Variants in SETX observed in about 807,000 individuals in gnomAD.
SETX encodes helicase senataxin.
A neutral mutation model predicts 227.2 loss-of-function variants in SETX; 90 were observed. The observed-to-expected ratio is 0.40, with a 90% CI of 0.33 to 0.47. SETX has a LOEUF of 0.47. Ranked by LOEUF, SETX falls within the 20% of genes least tolerant of loss-of-function variation. SETX has a pLI of 0.91. For synonymous variants in SETX, 1,210 were observed against 1,113.2 expected, an observed-to-expected ratio of 1.09 and a Z score of -1.73; for missense variants, 3,052 against 3,181.5, an observed-to-expected ratio of 0.96 and a Z score of 0.98.
Position 132,264,679 on chromosome 9 carries a change from CAGG to C in SETX, c.7591_7593del (p.Pro2531del), listed in dbSNP as rs776310824. 1.9e-6 allele frequency: 3 copies of C among 1,614,214 alleles called. No individual in the cohort carries two copies. In the Admixed American group the frequency reaches 5.0e-5, roughly 27 times the overall value. ...CGTGGGTCCTGAAGTTGGTCATGAA[CAGG>C]AGGTCTTTCAGGGTCCTTTGAAGTA... is the stretch of plus-strand genomic sequence containing the variant. On this transcript the variant is annotated inframe_deletion, in exon 26 of 26. Transcript: ENST00000224140.
chr9:132,289,786 C>A (rs1055513633), intron 15 of SETX, among the ~76,000 whole-genome samples: 1 of 152,188 alleles, frequency 6.6e-6, no homozygotes, highest in Non-Finnish European at 1.5e-5. Context: ...ACTATAAAAA[C>A]CAATTTAACC....
chr9:132,294,135 C>T (rs549764500), intron 15 of SETX, among the ~76,000 whole-genome samples: 135 of 152,160 alleles, frequency 8.9e-4, no homozygotes, highest in Non-Finnish European at 1.7e-3. Flanking sequence ...CTTAAGCTCA[C>T]GCCACCAGGG....
chr9:132,293,611 A>T (rs955491321), intron 15 of SETX, among the ~76,000 whole-genome samples: 7 of 152,046 alleles, frequency 4.6e-5, no homozygotes, highest in Admixed American at 3.3e-4. Flanking sequence ...GTAGGGACAG[A>T]GTTTCACCAT....
At chr9:132,280,559 T>C (rs926512427) in intron 20 of SETX, among the ~76,000 whole-genome samples, 5 of 152,158 alleles carry the variant, frequency 3.3e-5, no homozygotes, top group African/African-American at 1.2e-4. Flanking sequence ...TCAAATGTCA[T>C]ACAAAGAACT....
At chr9:132,305,398 G>GA (rs989274405) in intron 11 of SETX, among the ~76,000 whole-genome samples, 9 of 143,706 alleles carry the variant, frequency 6.3e-5, no homozygotes, top group African/African-American at 2.1e-4. Flanking sequence ...CCTCAAAAAT[G>GA]AAAAAAAATT....
chr9:132,346,851 A>T (rs1025618431), intron 3 of SETX, among the ~76,000 whole-genome samples: 5 of 151,656 alleles, frequency 3.3e-5, no homozygotes, highest in African/African-American at 1.2e-4. Context: ...GCTTCTCTGG[A>T]GGCTGAAGCA....
At chr9:132,309,656 C>T (rs1047072048) in intron 11 of SETX, among the ~76,000 whole-genome samples, 7 of 151,254 alleles carry the variant, frequency 4.6e-5, no homozygotes, top group East Asian at 1.9e-4. Context: ...GCCTGGGCAA[C>T]GGCACAAGAC....
intron 6 of SETX, among the ~76,000 whole-genome samples, chr9:132,335,037 A>G (rs1187979270): frequency 1.3e-5 from 2 of 152,062 alleles, no homozygotes; most frequent in African/African-American, 4.8e-5. Flanking sequence ...AGAAAGAAAA[A>G]AAAAATCACT....
intron 25 of SETX, among the ~76,000 whole-genome samples, chr9:132,268,945 G>A (rs183650945): frequency 1.3e-5 from 2 of 152,182 alleles, no homozygotes; most frequent in East Asian, 3.9e-4. Context: ...CAAAACCAGG[G>A]GAAACAGCCA....
chr9:132,287,783 GA>G (rs1807786042), intron 17 of SETX, among the ~76,000 whole-genome samples: 1 of 120,678 alleles, frequency 8.3e-6, no homozygotes, highest in South Asian at 2.8e-4. Flanking sequence ...AAAAAAAGCA[GA>G]AAGAAATGTG....
chr9:132,277,174 C>T (rs748667024), intron 21 of SETX, 22 bp from the exon 22 acceptor site: 1 of 1,558,700 alleles, frequency 6.4e-7, no homozygotes, highest in Non-Finnish European at 8.8e-7. Flanking sequence ...AAAAAGCAGT[C>T]AACATTCAGA....
rs141303996 is a variant in SETX, at chr9:132,269,873, C to A, written c.7200-171G>T. On this transcript the variant is annotated intron_variant, in intron 24 of 25. Coordinates refer to ENST00000224140, the MANE Select transcript of SETX (RefSeq NM_015046.7). ...GGACTCTAGAATGACTCAGCGTGCC[C>A]GTGTGAGACACAGGTGGATTCTAGA... Among the ~76,000 whole-genome samples, 13 of 143,780 alleles carry A rather than the reference C, an allele frequency of 9.0e-5. No individual in the cohort carries two copies. The East Asian group carries it at 2.4e-3, about 27-fold the overall frequency. The allele number at this position is 143,780 out of a possible 152,430, so 94.3% of individuals were successfully genotyped here.
chr9:132,274,147 T>A (rs1469823865), intron 23 of SETX, among the ~76,000 whole-genome samples: 1 of 152,172 alleles, frequency 6.6e-6, no homozygotes, highest in Non-Finnish European at 1.5e-5. Flanking sequence ...GATGTATAAA[T>A]CCTTGTAATA....
At chr9:132,305,522 A>G (rs1396950509) in intron 11 of SETX, among the ~76,000 whole-genome samples, 1 of 152,116 alleles carries the variant, frequency 6.6e-6, no homozygotes, top group Non-Finnish European at 1.5e-5. Context: ...AAGCGATGCA[A>G]GTTAGTATCA....
rs762225356 is a variant in SETX, at chr9:132,327,136, T to C, written c.4462A>G (p.Ser1488Gly). 8.1e-6 allele frequency: 13 copies of C among 1,614,122 alleles called. No homozygotes were observed. Among genetic ancestry groups the C allele is most frequent in the African/African-American group, 2.7e-5 (2 of 74,944 alleles). ...AALKEGEPDSSSDAEEDNLFL... is the reference protein window; with the variant it reads ...AALKEGEPDSGSDAEEDNLFL... ...AAGTTATCTTCCTCTGCATCACTGC[T>C]GGAGTCAGGCTCTCCTTCTTTCAAA... The change falls in exon 10 of 26, where the codon AGC (serine) becomes GGC (glycine). Residue 1488 changes from serine to glycine, a missense_variant. By Grantham distance (56) the Ser-to-Gly change is moderately conservative. Transcript: ENST00000224140.
intron 5 of SETX, among the ~76,000 whole-genome samples, chr9:132,338,316 C>T (rs974962296): frequency 3.3e-5 from 5 of 152,116 alleles, no homozygotes; most frequent in Non-Finnish European, 4.4e-5. Context: ...TGGTCTCGAA[C>T]TCCTGACCTC....
At chr9:132,267,406 G>A (rs181127177) in intron 25 of SETX, among the ~76,000 whole-genome samples, 98 of 152,326 alleles carry the variant, frequency 6.4e-4, no homozygotes, top group Non-Finnish European at 1.2e-3. Flanking sequence ...TAAACTTGGT[G>A]TTTAATCCAT....
intron 10 of SETX, among the ~76,000 whole-genome samples, chr9:132,326,084 T>C (rs968395260): frequency 1.3e-5 from 2 of 152,112 alleles, no homozygotes; most frequent in African/African-American, 4.8e-5. Context: ...GTTTTTTCTT[T>C]TGAGACAGAG....
intron 11 of SETX, among the ~76,000 whole-genome samples, chr9:132,306,175 A>G (rs1845324466): frequency 6.6e-6 from 1 of 152,144 alleles, no homozygotes; most frequent in Admixed American, 6.5e-5. Flanking sequence ...ACAATACACA[A>G]AATCATCTAA....
Sources: allele counts gnomAD v4.1 joint callset (sites outside exome capture counted in the v4.1 genomes callset), GRCh38; gene constraint gnomAD v4.1.1; transcripts MANE v1.5; gene names NCBI Gene and HGNC (gene_info 2026-07-23, HGNC 2026-07-21).